Variants in UBR2 observed in about 807,000 individuals in gnomAD.
UBR2 encodes the protein E3 ubiquitin-protein ligase UBR2.
UBR2 carries 92 observed loss-of-function variants against 247.9 expected under a neutral mutation model. That is an observed-to-expected ratio of 0.37 (90% CI 0.31 to 0.44). The LOEUF is 0.44. Among genes scored for constraint, UBR2 ranks in the 20% least tolerant of loss-of-function variants. The pLI is 1.00. For missense variants in UBR2, 1,613 were observed against 2,112.6 expected (o/e 0.76, Z 4.64); for synonymous variants, 672 against 693.5 (o/e 0.97, Z 0.49).
At position 42,615,150 on chromosome 6, in the gene UBR2, G is replaced by C; in HGVS notation, c.1065G>C (p.Leu355=). The change falls in exon 9 of 47, where the codon CTG becomes CTC. Residue 355 remains leucine, a synonymous_variant. Transcript: ENST00000372901. The part of the protein sequence containing the change: ...DGENSSLVDR[L]MLSDSKLWKG... Reference sequence around the variant, plus strand: ...AAAACTCTTCTCTAGTGGACAGACTGATGCTTAGTGATTCCAAATTATGGA... The same window carrying C: ...AAAACTCTTCTCTAGTGGACAGACTCATGCTTAGTGATTCCAAATTATGGA... The C allele has an allele frequency of 6.2e-7, 1 of 1,611,368 alleles. No individual in the cohort carries two copies. The highest frequency in any genetic ancestry group is 8.5e-7 in the Non-Finnish European group (1 of 1,178,800).
chr6:42,614,976 T>G (rs1456953404), intron 8 of UBR2, 95 bp from the exon 9 acceptor site: 8 of 982,854 alleles, frequency 8.1e-6, no homozygotes, highest in African/African-American at 1.7e-5. Context: ...AAGAAAACAT[T>G]TAAAACTCTA....
chr6:42,595,071 A>G (rs1020600640), intron 4 of UBR2, among the ~76,000 whole-genome samples: 3 of 152,204 alleles, frequency 2.0e-5, no homozygotes, highest in Admixed American at 6.5e-5. Flanking sequence ...ACAGTGTGAT[A>G]TTTTGATACA....
chr6:42,615,869 G>A, intron 9 of UBR2, 133 bp from the exon 10 acceptor site: 2 of 593,202 alleles, frequency 3.4e-6, no homozygotes, highest in Non-Finnish European at 5.5e-6. Flanking sequence ...ACCAGCCTGG[G>A]CAACACAGCA....
Position 42,575,357 on chromosome 6 carries a change from T to C in UBR2, c.338+1364T>C, listed in dbSNP as rs140932001. The stretch of plus-strand genomic sequence containing the variant: ...TGAAAAACTATTAGACCTAGTTTTT[T>C]GTTTGCTATTACAGAAACTACTTTG... On this transcript the variant is annotated intron_variant, in intron 2 of 46. Coordinates refer to ENST00000372901, the MANE Select transcript of UBR2 (RefSeq NM_001363705.2). 5.0e-4 allele frequency among the ~76,000 whole-genome samples: 76 copies of C among 152,338 alleles called. 2 individuals carry two copies. The East Asian group carries it at 7.9e-3, about 16-fold the overall frequency.
intron 21 of UBR2, among the ~76,000 whole-genome samples, chr6:42,647,300 G>A (rs575451326): frequency 2.8e-4 from 42 of 151,926 alleles, no homozygotes; most frequent in African/African-American, 9.7e-4. Flanking sequence ...TAAGATTGTC[G>A]GCCGGGCACA....
At chr6:42,688,118 C>T in intron 44 of UBR2, 98 bp from the exon 45 acceptor site, 9 of 1,424,794 alleles carry the variant, frequency 6.3e-6, no homozygotes, top group South Asian at 1.2e-5. Flanking sequence ...TTTGGCTTTA[C>T]TTGATATTGC....
chr6:42,658,703 C>T lies in UBR2; in HGVS notation c.3121C>T (p.Arg1041Cys), dbSNP rs1363359926. The part of the protein sequence containing the change: ...RKRKAEIARL[R>C]REKIMAQMSE... ...GAGAAAAGCAGAGATTGCCAGACTG[C>T]GCAGAGAAAAGATCATGGCTCAGAT... The change falls in exon 29 of 47, where the codon CGC becomes TGC. Residue 1041 changes from arginine to cysteine, a missense_variant. Coordinates refer to ENST00000372901, the MANE Select transcript of UBR2 (RefSeq NM_001363705.2). 30 of 1,613,004 alleles carry T rather than the reference C, an allele frequency of 1.9e-5. No individual in the cohort carries two copies. The highest frequency in any genetic ancestry group is 1.4e-4 in the South Asian group (13 of 90,984).
intron 13 of UBR2, 45 bp downstream of exon 13, chr6:42,632,949 C>A (rs762998531): frequency 2.6e-5 from 24 of 906,824 alleles, no homozygotes; most frequent in South Asian, 1.8e-4. Flanking sequence ...TTTTTTTTTT[C>A]TCTTTTCTCT....
At chr6:42,638,562 CTT>C (rs1166042022) in intron 15 of UBR2, among the ~76,000 whole-genome samples, 1 of 152,086 alleles carries the variant, frequency 6.6e-6, no homozygotes, top group African/African-American at 2.4e-5. Context: ...AGAAATCTCT[CTT>C]ATTTCTATAA....
intron 5 of UBR2, 29 bp downstream of exon 5, chr6:42,603,747 A>G: frequency 6.4e-7 from 1 of 1,564,052 alleles, no homozygotes; most frequent in Non-Finnish European, 8.6e-7. Context: ...TTCTTCATGT[A>G]TGAAGAACTG....
chr6:42,654,457 G>T (rs370415572), intron 25 of UBR2, among the ~76,000 whole-genome samples: 96 of 152,288 alleles, frequency 6.3e-4, no homozygotes, highest in Non-Finnish European at 9.8e-4. Context: ...CGGCACAGTG[G>T]CTCACCCCTG....
At chr6:42,617,576 T>G in intron 11 of UBR2, 69 bp downstream of exon 11, 5 of 1,314,962 alleles carry the variant, frequency 3.8e-6, no homozygotes, top group Non-Finnish European at 4.3e-6. Flanking sequence ...AATAGAGAAC[T>G]AAAGTCTGTA....
intron 2 of UBR2, among the ~76,000 whole-genome samples, chr6:42,582,223 C>T (rs1471301269): frequency 7.1e-6 from 1 of 141,318 alleles, no homozygotes; most frequent in Non-Finnish European, 1.5e-5. Context: ...GTGGAGCTTG[C>T]AGTGAGCCGA....
intron 4 of UBR2, among the ~76,000 whole-genome samples, chr6:42,602,312 C>T (rs1485425383): frequency 6.6e-6 from 1 of 152,050 alleles, no homozygotes. Context: ...ATGCCATTCT[C>T]CTGCCTCAGC....
chr6:42,635,102 T>C (rs1193230986), intron 13 of UBR2, among the ~76,000 whole-genome samples: 1 of 152,222 alleles, frequency 6.6e-6, no homozygotes, highest in East Asian at 1.9e-4. Context: ...CAATTTTTTC[T>C]ATAGACCATA....
intron 7 of UBR2, among the ~76,000 whole-genome samples, chr6:42,607,952 C>T (rs1793821867): frequency 6.6e-6 from 1 of 151,902 alleles, no homozygotes; most frequent in Non-Finnish European, 1.5e-5. Context: ...TTAGGTTTAT[C>T]TGTGTTGATA....
intron 30 of UBR2, among the ~76,000 whole-genome samples, chr6:42,660,099 A>G (rs1221789598): frequency 1.3e-5 from 2 of 152,198 alleles, no homozygotes; most frequent in Admixed American, 6.5e-5. Context: ...GTGATGTAAC[A>G]TTACATACTT....
At chr6:42,588,528 A>G (rs920295753) in intron 2 of UBR2, among the ~76,000 whole-genome samples, 2 of 152,182 alleles carry the variant, frequency 1.3e-5, no homozygotes, top group Non-Finnish European at 2.9e-5. Context: ...AGCCAGGCAT[A>G]GTGGCTTGAG....
At chr6:42,614,200 A>ATGT (rs1794285759) in intron 8 of UBR2, among the ~76,000 whole-genome samples, 1 of 48,682 alleles carries the variant, frequency 2.1e-5, no homozygotes, top group African/African-American at 7.0e-5. Flanking sequence ...AAAAAAAAAA[A>ATGT]AAAAACTATA....
Sources: gnomAD v4.1 joint callset for allele counts (sites outside exome capture counted in the v4.1 genomes callset) on GRCh38, gnomAD v4.1.1 for gene constraint, MANE v1.5 for transcripts, NCBI Gene and HGNC (gene_info 2026-07-23, HGNC 2026-07-21) for gene names.